The following PCDHA4 variants were observed in gnomAD, a reference collection of about 807,000 sequenced individuals.
PCDHA4 encodes the protein protocadherin alpha 4.
Under a neutral mutation model 61.4 loss-of-function variants are expected in PCDHA4, and 49 were observed. That is an observed-to-expected ratio of 0.80 (90% CI 0.63 to 1.01). The LOEUF (loss-of-function observed/expected upper bound fraction) is 1.01. PCDHA4 is among the 50% of genes least tolerant of loss of function. PCDHA4 has a pLI of 0.00. For synonymous variants in PCDHA4, 590 were observed against 550.3 expected, an observed-to-expected ratio of 1.07 and a Z score of -1.01; for missense variants, 1,254 against 1,235.8, an observed-to-expected ratio of 1.01 and a Z score of -0.22.
chr5:140,971,414 AT>A (rs2096477673), intron 1 of PCDHA4, among the ~76,000 whole-genome samples: 1 of 152,166 alleles, frequency 6.6e-6, no homozygotes, highest in African/African-American at 2.4e-5. Flanking sequence ...ACTTTTGGAA[AT>A]CCAGTGAAGA....
intron 1 of PCDHA4, chr5:140,860,150 T>G (rs868970469): frequency 6.7e-6 from 1 of 150,164 alleles, no homozygotes; most frequent in Non-Finnish European, 1.5e-5. Flanking sequence ...TATGTATATA[T>G]GTGTATATAT....
At chr5:140,878,689 AT>A (rs1582445250) in intron 1 of PCDHA4, among the ~76,000 whole-genome samples, 1 of 152,246 alleles carries the variant, frequency 6.6e-6, no homozygotes, top group Admixed American at 6.5e-5. Flanking sequence ...AAAGTCTTAC[AT>A]ACCCCAGCCT....
intron 1 of PCDHA4, chr5:140,830,412 C>G (rs2150186226): frequency 6.2e-7 from 1 of 1,614,064 alleles, no homozygotes; most frequent in Non-Finnish European, 8.5e-7. Flanking sequence ...GCCTTTAGCC[C>G]CAGCCTTTCA....
At chr5:140,970,791 T>A (rs2096434096) in intron 1 of PCDHA4, among the ~76,000 whole-genome samples, 2 of 152,210 alleles carry the variant, frequency 1.3e-5, no homozygotes, top group South Asian at 2.1e-4. Flanking sequence ...GTATGTAATA[T>A]CCATATTGTT....
In PCDHA4 at chr5:140,883,991, G is replaced by A. The variant is rs1475054823; in HGVS notation, c.2385+74419G>A. ...GACGCCCGGGGCTGGCAGCGCGGGA[G>A]GCACAGTGAGCGAGCTGATGCCGCG... On this transcript the variant is annotated intron_variant, in intron 1 of 3. Transcript: ENST00000530339. 2 of 1,612,972 alleles carry A rather than the reference G, an allele frequency of 1.2e-6. No individual in the cohort carries two copies. The highest frequency in any genetic ancestry group is 2.2e-5 in the East Asian group (1 of 44,862).
At chr5:140,828,164 A>T in intron 1 of PCDHA4, 2 of 1,614,130 alleles carry the variant, frequency 1.2e-6, no homozygotes, top group Non-Finnish European at 1.7e-6. Flanking sequence ...CGCAGCCTGG[A>T]AGGTGGGGAG....
At position 140,829,335 on chromosome 5, in the gene PCDHA4, G is replaced by T. The variant is rs2150166074; in HGVS notation, c.2385+19763G>T. 2.5e-6 allele frequency: 4 copies of T among 1,614,114 alleles called. No homozygotes were observed. In the African/African-American group the frequency reaches 5.3e-5, roughly 22 times the overall value. ...TTGGTGCTGGACAGTGCCCTGGACC[G>T]CGAGAGCGTGTCGGCCTATGAGTTG... On this transcript the variant is annotated intron_variant, in intron 1 of 3. Transcript: ENST00000530339.
chr5:140,810,343 T>C (rs1416120217), intron 1 of PCDHA4: 1 of 152,252 alleles, frequency 6.6e-6, no homozygotes, highest in Non-Finnish European at 1.5e-5. Flanking sequence ...TCTCAGGTTT[T>C]TGCCTAAGAG....
At chr5:140,939,911 T>C (rs1554213037) in intron 1 of PCDHA4, among the ~76,000 whole-genome samples, 1 of 152,232 alleles carries the variant, frequency 6.6e-6, no homozygotes, top group African/African-American at 2.4e-5. Flanking sequence ...TTCTTTTTTA[T>C]TCTTTTTGTT....
intron 1 of PCDHA4, among the ~76,000 whole-genome samples, chr5:140,915,967 A>G (rs1188377648): frequency 1.3e-5 from 2 of 152,078 alleles, no homozygotes; most frequent in Non-Finnish European, 2.9e-5. Flanking sequence ...TTTGCCTGAT[A>G]TTTTATTTGA....
Position 140,808,657 on chromosome 5 carries a change from G to GTCC in PCDHA4, c.1472_1474dup (p.Ser491dup). 6.2e-7 allele frequency: 1 copy of GTCC among 1,613,180 alleles called. No homozygotes were observed. Among genetic ancestry groups the GTCC allele is most frequent in the Non-Finnish European group, 8.5e-7 (1 of 1,179,864 alleles). Reference sequence around the variant, plus strand: ...CGGACGCGCAGGAGAACGCGCTGGTGTCCTACTCGCTGGTAGAGCGGCGGG... The same window carrying GTCC: ...CGGACGCGCAGGAGAACGCGCTGGTGTCCTCCTACTCGCTGGTAGAGCGGCGGG... On this transcript the variant is annotated inframe_insertion, in exon 1 of 4. Transcript: ENST00000530339.
In PCDHA4 at chr5:140,807,934, G is replaced by A; in HGVS notation, c.747G>A (p.Val249=). 6.2e-7 allele frequency: 1 copy of A among 1,614,090 alleles called. No individual in the cohort carries two copies. Among genetic ancestry groups the A allele is most frequent in the Non-Finnish European group, 8.5e-7 (1 of 1,179,978 alleles). ...APAFDRTIYK[V]RLLENVPNGT... is the part of the protein sequence containing the mutation. ...CTTTTGACAGAACCATTTATAAGGT[G>A]AGATTACTAGAAAATGTTCCTAATG... The change falls in exon 1 of 4, where the codon GTG becomes GTA. Residue 249 remains valine (V), a synonymous_variant. Coordinates refer to ENST00000530339, the MANE Select transcript of PCDHA4 (RefSeq NM_018907.4).
chr5:140,838,880 A>T (rs959221934), intron 1 of PCDHA4, among the ~76,000 whole-genome samples: 5 of 151,848 alleles, frequency 3.3e-5, no homozygotes. Context: ...ATGCCACTGA[A>T]CTCCAGCCTA....
Position 140,908,881 on chromosome 5 carries a change from A to G in PCDHA4, c.2386-70068A>G, listed in dbSNP as rs77004912. Among the ~76,000 whole-genome samples, 1,225 of 152,366 alleles carry G rather than the reference A, an allele frequency of 8.0e-3. 6 individuals carry two copies. The highest frequency in any genetic ancestry group is 0.019 in the African/African-American group (790 of 41,588). Reference sequence around the variant, plus strand: ...AGGAATGTGTTGCCTCCAAAATCCAATAGTCCCAAATAAGCCTCTTTCGTG... The same window carrying G: ...AGGAATGTGTTGCCTCCAAAATCCAGTAGTCCCAAATAAGCCTCTTTCGTG... On this transcript the variant is annotated intron_variant, in intron 1 of 3. Transcript: ENST00000530339.
chr5:140,854,556 T>C (rs1400864251), intron 1 of PCDHA4: 1 of 150,002 alleles, frequency 6.7e-6, no homozygotes, highest in African/African-American at 2.4e-5. Flanking sequence ...TTCATAAATA[T>C]TGTTGCTCTG....
At chr5:140,993,460 T>TCCCACA (rs1554253699) in intron 3 of PCDHA4, among the ~76,000 whole-genome samples, 8 of 104,506 alleles carry the variant, frequency 7.7e-5, no homozygotes, top group African/African-American at 3.1e-4. Context: ...CTTCTTTCTT[T>TCCCACA]CTCACACACA....
chr5:140,859,671 C>T (rs2045960419), intron 1 of PCDHA4: 1 of 153,888 alleles, frequency 6.5e-6, no homozygotes, highest in Non-Finnish European at 1.4e-5. Context: ...CAAATAGCTT[C>T]AAATAAAATT....
At chr5:140,841,797 A>T in intron 1 of PCDHA4, 1 of 1,613,936 alleles carries the variant, frequency 6.2e-7, no homozygotes, top group Non-Finnish European at 8.5e-7. Flanking sequence ...GGCGCGTCCG[A>T]TGCAGATGTT....
At chr5:140,931,947 T>C (rs782000891) in intron 1 of PCDHA4, among the ~76,000 whole-genome samples, 1 of 151,972 alleles carries the variant, frequency 6.6e-6, no homozygotes, top group Non-Finnish European at 1.5e-5. Context: ...GTCTGAGTCT[T>C]ACAGAATCAT....
Sources: gnomAD v4.1 joint callset for allele counts (sites outside exome capture counted in the v4.1 genomes callset) on GRCh38, gnomAD v4.1.1 for gene constraint, MANE v1.5 for transcripts, NCBI Gene and HGNC (gene_info 2026-07-23, HGNC 2026-07-21) for gene names.